DLG1: variants seen among roughly 807,000 people sequenced by gnomAD.
DLG1 encodes the protein disks large homolog 1.
A neutral mutation model predicts 123.4 loss-of-function variants in DLG1; 42 were observed. The observed-to-expected ratio is 0.34, with a 90% CI of 0.27 to 0.44. DLG1 has a LOEUF of 0.44. DLG1 is among the 20% of genes least tolerant of loss of function. The pLI, the probability that DLG1 is intolerant of heterozygous loss-of-function variation, is 1.00. For synonymous variants in DLG1, 317 were observed against 356.2 expected, an observed-to-expected ratio of 0.89 and a Z score of 1.24; for missense variants, 942 against 1,082.6, an observed-to-expected ratio of 0.87 and a Z score of 1.82.
intron 11 of DLG1, among the ~76,000 whole-genome samples, chr3:197,123,358 G>A (rs4270479): frequency 0.74 from 112,464 of 152,072 alleles, 41,693 homozygotes; most frequent in East Asian, 0.82. Flanking sequence ...TGCAACAGAT[G>A]TAACTGATTA....
chr3:197,098,024 T>C lies in DLG1; in HGVS notation c.1546+6879A>G, dbSNP rs898744978. Among the ~76,000 whole-genome samples, 3 of 152,280 alleles carry C rather than the reference T, an allele frequency of 2.0e-5. No individual in the cohort carries two copies. The East Asian group carries it at 5.8e-4, about 29-fold the overall frequency. On this transcript the variant is annotated intron_variant, in intron 14 of 24. Coordinates refer to ENST00000667157, the MANE Select transcript of DLG1 (RefSeq NM_001366207.1). Reference sequence around the variant, plus strand: ...AATATAATTTATTTGTATTTCTGTATAATTTTATTTTTAATAAAGGCTATG... The same window carrying C: ...AATATAATTTATTTGTATTTCTGTACAATTTTATTTTTAATAAAGGCTATG...
At chr3:197,194,659 A>G (rs1347990997) in intron 4 of DLG1, 70 bp from the exon 5 acceptor site, 4 of 1,086,128 alleles carry the variant, frequency 3.7e-6, no homozygotes, top group Non-Finnish European at 5.3e-6. Context: ...TGGTTTTCAT[A>G]ACTAGCCAAA....
chr3:197,131,264 AAT>A (rs1782296544), intron 10 of DLG1, among the ~76,000 whole-genome samples: 1 of 152,236 alleles, frequency 6.6e-6, no homozygotes, highest in Admixed American at 6.5e-5. Flanking sequence ...ACTACCACAG[AAT>A]ATGAGAGTGC....
chr3:197,169,997 C>T lies in DLG1; in HGVS notation c.484-20201G>A, dbSNP rs140616114. On this transcript the variant is annotated intron_variant, in intron 5 of 24. Transcript: ENST00000667157. ...TCATCACTTAGCTCCCACTTATAAG[C>T]GAGAACATGCGGTATTTGATTTTTT... Among the ~76,000 whole-genome samples, 1,505 of 152,256 alleles carry T rather than the reference C, an allele frequency of 9.9e-3. 18 individuals carry two copies. Among genetic ancestry groups the T allele is most frequent in the African/African-American group, 0.023 (959 of 41,556 alleles).
intron 4 of DLG1, among the ~76,000 whole-genome samples, chr3:197,241,786 TTTG>T (rs1306761657): frequency 6.6e-6 from 1 of 152,166 alleles, no homozygotes; most frequent in Non-Finnish European, 1.5e-5. Flanking sequence ...TTTAAGATAA[TTTG>T]TTATTTTTTT....
At chr3:197,092,362 T>TA (rs1356567734) in intron 14 of DLG1, among the ~76,000 whole-genome samples, 1 of 152,244 alleles carries the variant, frequency 6.6e-6, no homozygotes, top group African/African-American at 2.4e-5. Context: ...CATAATGACT[T>TA]ACTTGTTTTA....
intron 5 of DLG1, among the ~76,000 whole-genome samples, chr3:197,185,368 A>G (rs912217911): frequency 3.9e-5 from 6 of 152,182 alleles, no homozygotes; most frequent in African/African-American, 1.2e-4. Context: ...TGAGAAGTGA[A>G]CATGTGCTCA....
intron 4 of DLG1, among the ~76,000 whole-genome samples, chr3:197,251,363 G>C (rs949147975): frequency 2.0e-5 from 3 of 152,100 alleles, no homozygotes; most frequent in Non-Finnish European, 4.4e-5. Context: ...AAAGAACAAA[G>C]CTGGAGGCAT....
At chr3:197,119,644 G>C in intron 11 of DLG1, 114 bp from the exon 12 acceptor site, 1 of 1,061,712 alleles carries the variant, frequency 9.4e-7, no homozygotes, top group Non-Finnish European at 1.2e-6. Flanking sequence ...TCAGAATTTG[G>C]TAGAGAAGAT....
chr3:197,237,809 A>T (rs1233584032), intron 4 of DLG1, among the ~76,000 whole-genome samples: 1 of 152,244 alleles, frequency 6.6e-6, no homozygotes, highest in African/African-American at 2.4e-5. Flanking sequence ...CTGTCACATG[A>T]GGAGCAGTAA....
At chr3:197,103,623 CCT>C (rs372285897) in intron 14 of DLG1, among the ~76,000 whole-genome samples, 101 of 150,994 alleles carry the variant, frequency 6.7e-4, no homozygotes, top group African/African-American at 1.4e-3. Context: ...CAAATTTTCC[CCT>C]GTTTAGTTAC....
intron 13 of DLG1, among the ~76,000 whole-genome samples, chr3:197,115,672 G>A (rs940639636): frequency 9.2e-5 from 14 of 152,046 alleles, no homozygotes; most frequent in African/African-American, 2.9e-4. Context: ...TAGACACATA[G>A]CAAACTTTCC....
At chr3:197,245,102 T>C (rs1383838466) in intron 4 of DLG1, among the ~76,000 whole-genome samples, 1 of 152,182 alleles carries the variant, frequency 6.6e-6, no homozygotes, top group East Asian at 1.9e-4. Context: ...TTTGGTTAGA[T>C]GGCTTTTTAG....
intron 11 of DLG1, among the ~76,000 whole-genome samples, chr3:197,121,448 AATCAGAAGTAGCAAG>A (rs1360857915): frequency 6.6e-6 from 1 of 152,130 alleles, no homozygotes; most frequent in Non-Finnish European, 1.5e-5. Flanking sequence ...CTGGTGTCCA[AATCAGAAGTAGCAAG>A]GCCATGCAGC....
In DLG1 at chr3:197,085,733, G is replaced by A. The variant is rs761454680; in HGVS notation, c.1685C>T (p.Thr562Ile). 3.1e-6 allele frequency: 5 copies of A among 1,613,356 alleles called. No individual in the cohort carries two copies. Among genetic ancestry groups the A allele is most frequent in the Non-Finnish European group, 4.2e-6 (5 of 1,179,890 alleles). ...YVRALFDYDK[T>I]KDSGLPSQGL... ...CTGACTGGGAAGCCCACTGTCTTTA[G>A]TCTTGTCATAATCAAAAAGGGCTCT... Residue 562 changes from threonine to isoleucine, a missense_variant, in exon 16 of 25, where the codon ACT becomes ATT. By Grantham distance (89) the Thr-to-Ile change is moderately conservative (BLOSUM62 -1). Coordinates refer to ENST00000667157, the MANE Select transcript of DLG1 (RefSeq NM_001366207.1).
intron 4 of DLG1, among the ~76,000 whole-genome samples, chr3:197,203,922 A>G (rs961926834): frequency 1.3e-5 from 2 of 152,322 alleles, no homozygotes; most frequent in African/African-American, 4.8e-5. Context: ...TAGGGTAAGG[A>G]AGACAATGAA....
rs140021102 is a variant in DLG1 at position 197,122,194 on chromosome 3, T to C, written c.1166-2664A>G. On this transcript the variant is annotated intron_variant, in intron 11 of 24. Transcript: ENST00000667157. ...GAATGGTTTAGCGTTAGAAAATCAA[T>C]GTAATTTATCACGTTAACAAAATAA... 2.1e-3 allele frequency among the ~76,000 whole-genome samples: 326 copies of C among 152,158 alleles called. 1 individual carries two copies. The highest frequency in any genetic ancestry group is 7.5e-3 in the African/African-American group (310 of 41,540).
At chr3:197,163,741 C>A in intron 5 of DLG1, among the ~76,000 whole-genome samples, 1 of 120,280 alleles carries the variant, frequency 8.3e-6, no homozygotes. Flanking sequence ...GTTTTACCAT[C>A]TTGGCCAGGC....
At chr3:197,201,156 G>C (rs1486064157) in intron 4 of DLG1, among the ~76,000 whole-genome samples, 1 of 152,176 alleles carries the variant, frequency 6.6e-6, no homozygotes, top group Non-Finnish European at 1.5e-5. Flanking sequence ...GGCCGAGGCG[G>C]GAGGATCACG....
Sources: gnomAD v4.1 joint callset for allele counts (sites outside exome capture counted in the v4.1 genomes callset) on GRCh38, gnomAD v4.1.1 for gene constraint, MANE v1.5 for transcripts, NCBI Gene and HGNC (gene_info 2026-07-23, HGNC 2026-07-21) for gene names.